The following DMRT3 variants were observed in gnomAD, a reference collection of about 807,000 sequenced individuals.
DMRT3 encodes doublesex and mab-3 related transcription factor 3.
Under a neutral mutation model 34.9 loss-of-function variants are expected in DMRT3, and 29 were observed. That is an observed-to-expected ratio of 0.83 (90% confidence interval 0.62 to 1.13). The LOEUF is 1.13. Ranked by LOEUF, DMRT3 falls within the 50% of genes most tolerant of loss-of-function variation. The pLI is 0.00. For missense variants in DMRT3, 772 were observed against 629.1 expected (o/e 1.23, Z -2.43); for synonymous variants, 350 against 286.0 (o/e 1.22, Z -2.26).
intron 1 of DMRT3, among the ~76,000 whole-genome samples, chr9:989,107 T>G (rs923177216): frequency 5.3e-5 from 8 of 152,192 alleles, no homozygotes; most frequent in South Asian, 2.1e-4. Flanking sequence ...TCCTTCTTCT[T>G]TTCATATAAT....
chr9:978,001 ACT>A (rs1820173888), intron 1 of DMRT3, among the ~76,000 whole-genome samples: 1 of 152,130 alleles, frequency 6.6e-6, no homozygotes, highest in Admixed American at 6.5e-5. Context: ...CAAGTATCCA[ACT>A]CTCAGAACCC....
At position 978,704 on chromosome 9, in the gene DMRT3, C is replaced by T. The variant is rs766666273; in HGVS notation, c.454+1249C>T. 1.5e-3 allele frequency among the ~76,000 whole-genome samples: 228 copies of T among 152,290 alleles called. 2 individuals carry two copies. Among genetic ancestry groups the T allele is most frequent in the Non-Finnish European group, 2.5e-3 (171 of 68,024 alleles). On this transcript the variant is annotated intron_variant, in intron 1 of 1. Transcript: ENST00000190165. ...GGTGGAGTTCTGCTGCCCTGTCTTT[C>T]CGCCATGCTTTCCAGGCCTGAAGCT...
In DMRT3 at chr9:977,714, C is replaced by G. The variant is rs150872236; in HGVS notation, c.454+259C>G. 9.2e-5 allele frequency among the ~76,000 whole-genome samples: 14 copies of G among 152,360 alleles called. No homozygotes were observed. In the East Asian group the frequency reaches 2.5e-3, roughly 27 times the overall value. ...CGACGGGACTGTGCGTCAGTATCGC[C>G]AGGTGCCTTCCCAGGTTGAAGGGTT... On this transcript the variant is annotated intron_variant, in intron 1 of 1. Transcript: ENST00000190165.
At chr9:987,004 T>C (rs1820293059) in intron 1 of DMRT3, among the ~76,000 whole-genome samples, 1 of 152,180 alleles carries the variant, frequency 6.6e-6, no homozygotes, top group Admixed American at 6.5e-5. Flanking sequence ...TTCTCTATAT[T>C]ACTATGACAC....
chr9:990,527 T>C lies in DMRT3; in HGVS notation c.941T>C (p.Phe314Ser), dbSNP rs376513095. Residue 314 changes from phenylalanine (F) to serine (S), a missense_variant, in exon 2 of 2, where the codon TTT becomes TCT. Phe to Ser is a radical substitution (Grantham distance 155). Transcript: ENST00000190165. ...GCGTTGCCCTCCAATGGGCACATCT[T>C]TGAACACACCTTGAGCTCCTACCCC... is the stretch of plus-strand genomic sequence containing the variant. Reference protein sequence around the residue: ...SLALPSNGHIFEHTLSSYPIS... With the variant: ...SLALPSNGHISEHTLSSYPIS... 1 of 1,613,936 alleles carries C rather than the reference T, an allele frequency of 6.2e-7. No individual in the cohort carries two copies. Among genetic ancestry groups the C allele is most frequent in the African/African-American group, 1.3e-5 (1 of 74,872 alleles).
chr9:984,242 A>G (rs1820255488), intron 1 of DMRT3, among the ~76,000 whole-genome samples: 1 of 152,214 alleles, frequency 6.6e-6, no homozygotes, highest in Admixed American at 6.5e-5. Flanking sequence ...CCACAGCTCA[A>G]GTGAACAGAT....
Position 990,858 on chromosome 9 carries a change from C to T in DMRT3, c.1272C>T (p.Val424=). The part of the protein sequence containing the change: ...NSTSVFRSSP[V]LPARATEDPR... Reference sequence around the variant, plus strand: ...CCAGCGTCTTCAGAAGCTCGCCCGTCCTTCCTGCCCGCGCCACGGAAGACC... The same window carrying T: ...CCAGCGTCTTCAGAAGCTCGCCCGTTCTTCCTGCCCGCGCCACGGAAGACC... The change falls in exon 2 of 2, where the codon GTC becomes GTT. Residue 424 remains valine (V), a synonymous_variant. Coordinates refer to ENST00000190165, the MANE Select transcript of DMRT3 (RefSeq NM_021240.4). 1 of 1,614,164 alleles carries T rather than the reference C, an allele frequency of 6.2e-7. No individual in the cohort carries two copies. The highest frequency in any genetic ancestry group is 8.5e-7 in the Non-Finnish European group (1 of 1,180,028).
At chr9:987,399 G>T (rs530426185) in intron 1 of DMRT3, among the ~76,000 whole-genome samples, 1 of 150,762 alleles carries the variant, frequency 6.6e-6, no homozygotes, top group East Asian at 1.9e-4. Context: ...TTTTAAGGCT[G>T]AATAATATCC....
At position 990,684 on chromosome 9, in the gene DMRT3, C is replaced by A. The variant is rs1411186913; in HGVS notation, c.1098C>A (p.Pro366=). 6.2e-7 allele frequency: 1 copy of A among 1,614,020 alleles called. No homozygotes were observed. The highest frequency in any genetic ancestry group is 2.2e-5 in the East Asian group (1 of 44,896). The change falls in exon 2 of 2, where the codon CCC becomes CCA. Residue 366 remains proline, a synonymous_variant. Transcript: ENST00000190165. ...GPLQPPFPQP[P]RYPLMLRNTL... ...TGCAGCCCCCTTTCCCCCAGCCACCCCGGTACCCGCTGATGCTGAGGAATA... is the reference window on the plus strand; with the variant it reads ...TGCAGCCCCCTTTCCCCCAGCCACCACGGTACCCGCTGATGCTGAGGAATA...
rs1820360313 is a variant in DMRT3 at position 991,200 on chromosome 9, T to C, written c.*195T>C. ...TTCACTGGAAAATGCCAAATAGCTC[T>C]GTTCTGTGGCTTTAGTGCTGAATGT... On this transcript the variant is annotated 3_prime_UTR_variant, in exon 2 of 2. Coordinates refer to ENST00000190165, the MANE Select transcript of DMRT3 (RefSeq NM_021240.4). 2 of 644,948 alleles carry C rather than the reference T, an allele frequency of 3.1e-6. No homozygotes were observed. Among genetic ancestry groups the C allele is most frequent in the Non-Finnish European group, 5.1e-6 (2 of 392,366 alleles). The allele number at this position is 644,948 out of a possible 1,614,324, so 40.0% of individuals were successfully genotyped here.
At chr9:987,209 T>G (rs1418063720) in intron 1 of DMRT3, among the ~76,000 whole-genome samples, 1 of 152,122 alleles carries the variant, frequency 6.6e-6, no homozygotes, top group Non-Finnish European at 1.5e-5. Context: ...TAACTCCCCA[T>G]TCCCTTTTCC....
chr9:989,924 T>G, intron 1 of DMRT3, 117 bp from the exon 2 acceptor site: 7 of 1,331,928 alleles, frequency 5.3e-6, no homozygotes, highest in Non-Finnish European at 7.2e-6. Context: ...TAGTATATTA[T>G]GACCCATTGA....
Position 987,412 on chromosome 9 carries a change from C to CTGTG in DMRT3, c.455-2587_455-2584dup, listed in dbSNP as rs6150885. On this transcript the variant is annotated intron_variant, in intron 1 of 1. Transcript: ENST00000190165. Reference sequence around the variant, plus strand: ...CTTTTTAAGGCTGAATAATATCCCACTGTGTGTGTGTGTGTGTGTGTGTGT... The same window carrying CTGTG: ...CTTTTTAAGGCTGAATAATATCCCACTGTGTGTGTGTGTGTGTGTGTGTGTGTGT... Among the ~76,000 whole-genome samples the CTGTG allele has an allele frequency of 9.8e-3, 1,465 of 149,596 alleles. 9 individuals are homozygous for CTGTG. Among genetic ancestry groups the CTGTG allele is most frequent in the Non-Finnish European group, 0.013 (843 of 67,432 alleles).
Position 977,041 on chromosome 9 carries a change from C to A in DMRT3, c.40C>A (p.Pro14Thr), listed in dbSNP as rs780600232. 1.9e-5 allele frequency: 29 copies of A among 1,565,034 alleles called. No homozygotes were observed. In the African/African-American group the frequency reaches 3.7e-4, roughly 20 times the overall value. Residue 14 changes from proline to threonine, a missense_variant, in exon 1 of 2, where the codon CCG becomes ACG. By Grantham distance (38) the Pro-to-Thr change is conservative. Transcript: ENST00000190165. ...CTCCCCCTACCTGTACATGGGCGGC[C>A]CGGTGTCGCAGCCGCCACGGGCGCC... ...YGSPYLYMGGPVSQPPRAPLQ... is the reference protein window; with the variant it reads ...YGSPYLYMGGTVSQPPRAPLQ...
Position 989,909 on chromosome 9 carries a change from G to T in DMRT3, c.455-132G>T, listed in dbSNP as rs994441031. The stretch of plus-strand genomic sequence containing the variant: ...ATATAGTTCGAATTTTTTTAAAAAG[G>T]CTTGTAGTATATTATGACCCATTGA... On this transcript the variant is annotated intron_variant, in intron 1 of 1. Coordinates refer to ENST00000190165, the MANE Select transcript of DMRT3 (RefSeq NM_021240.4). 55 of 1,199,326 alleles carry T rather than the reference G, an allele frequency of 4.6e-5. 1 individual carries two copies. In the African/African-American group the frequency reaches 6.9e-4, roughly 15 times the overall value. The allele number at this position is 1,199,326 out of a possible 1,614,324, so 74.3% of individuals were successfully genotyped here. A position where few individuals can be genotyped will look rare whatever the true frequency, so the allele number is the denominator to read the frequency against.
intron 1 of DMRT3, among the ~76,000 whole-genome samples, chr9:982,954 G>A (rs955033380): frequency 6.6e-6 from 1 of 152,146 alleles, no homozygotes; most frequent in Non-Finnish European, 1.5e-5. Flanking sequence ...GCTTGTGCAC[G>A]GGTGCTCATG....
rs767134283 is a variant in DMRT3, at chr9:976,965, C to T, written c.-37C>T. 1.8e-4 allele frequency: 262 copies of T among 1,435,192 alleles called. No homozygotes were observed. Among genetic ancestry groups the T allele is most frequent in the Admixed American group, 5.4e-4 (19 of 35,204 alleles). 88.9% of individuals were successfully genotyped at this position (1,435,192 alleles called of 1,614,324 possible). A position where few individuals can be genotyped will look rare whatever the true frequency, so the allele number is the denominator to read the frequency against. On this transcript the variant is annotated 5_prime_UTR_variant, in exon 1 of 2. Transcript: ENST00000190165. This position sits in a 1 kb window ranked among gnomAD's most constrained non-coding sequence, Gnocchi z 4.5. ...CGTCCAGCGCTCCCTGGCCCTCTCC[C>T]GCAGCCAGGCTGCCAACTCATTCGG...
rs189393173 is a variant in DMRT3 at position 976,845 on chromosome 9, C to T, written c.-157C>T. On this transcript the variant is annotated 5_prime_UTR_variant, in exon 1 of 2. Coordinates refer to ENST00000190165, the MANE Select transcript of DMRT3 (RefSeq NM_021240.4). This position sits in a 1 kb window ranked among gnomAD's most constrained non-coding sequence, Gnocchi z 4.5. ...GGAGCTGGAGAGACGACTGCGGCACCTCCGGCCGCCCCGGAGCACACACGA... is the reference window on the plus strand; with the variant it reads ...GGAGCTGGAGAGACGACTGCGGCACTTCCGGCCGCCCCGGAGCACACACGA... The T allele has an allele frequency of 7.0e-6, 5 of 714,844 alleles. No homozygotes were observed. In the Admixed American group the frequency reaches 1.3e-4, roughly 18 times the overall value. 44.3% of individuals were successfully genotyped at this position (714,844 alleles called of 1,614,324 possible).
rs77818517 is a variant in DMRT3, at chr9:990,258, C to G, written c.672C>G (p.His224Gln). ...GCCGCCCTGACAGCCCCAAGTGTCA[C>G]GCGGAGCAGAATCACCTCCTGATTG... ...PESRPDSPKCHAEQNHLLIEG... is the reference protein window; with the variant it reads ...PESRPDSPKCQAEQNHLLIEG... The change falls in exon 2 of 2, where the codon CAC becomes CAG. Residue 224 changes from histidine to glutamine, a missense_variant. By Grantham distance (24) the His-to-Gln change is conservative. Transcript: ENST00000190165. 2 of 1,613,814 alleles carry G rather than the reference C, an allele frequency of 1.2e-6. No individual in the cohort carries two copies. Among genetic ancestry groups the G allele is most frequent in the Admixed American group, 1.7e-5 (1 of 59,990 alleles).
Sources: allele counts gnomAD v4.1 joint callset (sites outside exome capture counted in the v4.1 genomes callset), GRCh38; gene constraint gnomAD v4.1.1; non-coding constraint Gnocchi (gnomAD v3.1); transcripts MANE v1.5; gene names NCBI Gene and HGNC (gene_info 2026-07-23, HGNC 2026-07-21).